SENP6: variants seen among roughly 807,000 people sequenced by gnomAD.
SENP6 encodes the protein SUMO specific peptidase 6.
In SENP6, 41 loss-of-function variants were observed where a neutral mutation model predicts 134.5. That is an observed-to-expected ratio of 0.30 (90% CI 0.24 to 0.40). The LOEUF is 0.40. Among genes scored for constraint, SENP6 ranks in the 10% least tolerant of loss-of-function variants. The pLI is 1.00. For missense variants in SENP6, 1,248 were observed against 1,312.5 expected (o/e 0.95, Z 0.76); for synonymous variants, 395 against 429.8 (o/e 0.92, Z 1.00).
At chr6:75,614,347 C>T (rs1234766939) in intron 1 of SENP6, among the ~76,000 whole-genome samples, 1 of 151,282 alleles carries the variant, frequency 6.6e-6, no homozygotes, top group East Asian at 1.9e-4. Flanking sequence ...CTCACTGCAA[C>T]CTCTGCCTCC....
chr6:75,632,444 G>A (rs902067559), intron 3 of SENP6, among the ~76,000 whole-genome samples: 3 of 152,132 alleles, frequency 2.0e-5, no homozygotes, highest in Non-Finnish European at 4.4e-5. Flanking sequence ...ATGAGATGAT[G>A]TAATTCACAT....
At chr6:75,614,274 T>TG (rs1187835402) in intron 1 of SENP6, among the ~76,000 whole-genome samples, 33 of 151,024 alleles carry the variant, frequency 2.2e-4, no homozygotes, top group South Asian at 4.2e-4. Flanking sequence ...TTTTTTTTTT[T>TG]TTTTTGTTTG....
Position 75,715,683 on chromosome 6 carries a change from C to G in SENP6, c.*89C>G, listed in dbSNP as rs1775990710. The G allele has an allele frequency of 5.7e-6, 5 of 882,892 alleles. No homozygotes were observed. The highest frequency in any genetic ancestry group is 8.6e-6 in the Non-Finnish European group (5 of 580,418). 54.7% of individuals were successfully genotyped at this position (882,892 alleles called of 1,614,324 possible). ...CAATAAAGAACTGAAGTGCTCACTA[C>G]TCAGTGATTTGGAAATTTTGATGCT... On this transcript the variant is annotated 3_prime_UTR_variant, in exon 24 of 24. Coordinates refer to ENST00000447266, the MANE Select transcript of SENP6 (RefSeq NM_015571.4).
chr6:75,675,343 A>G, intron 11 of SENP6, 92 bp from the exon 12 acceptor site: 1 of 711,538 alleles, frequency 1.4e-6, no homozygotes, highest in Admixed American at 3.0e-5. Context: ...ATAAACGAGT[A>G]ATATAAGAAA....
intron 6 of SENP6, among the ~76,000 whole-genome samples, chr6:75,644,442 G>GTAT (rs1424490102): frequency 6.6e-6 from 1 of 151,288 alleles, no homozygotes; most frequent in Non-Finnish European, 1.5e-5. Flanking sequence ...CAAAAATGGG[G>GTAT]TATTAGTAAA....
chr6:75,715,496 G>GA lies in SENP6; in HGVS notation c.3242dup (p.Asp1081GlufsTer10), dbSNP rs1192765226. 3.1e-6 allele frequency: 5 copies of GA among 1,613,216 alleles called. No homozygotes were observed. The highest frequency in any genetic ancestry group is 4.2e-6 in the Non-Finnish European group (5 of 1,179,538). On this transcript the variant is annotated frameshift_variant, in exon 24 of 24. Coordinates refer to ENST00000447266, the MANE Select transcript of SENP6 (RefSeq NM_015571.4). LOFTEE classifies it low-confidence loss of function (END_TRUNC). Reference sequence around the variant, plus strand: ...AAACATAATTCTGAAGCTACAGGAAGATCAGAGCAAAGAGAAAAGAAAGCA... The same window carrying GA: ...AAACATAATTCTGAAGCTACAGGAAGAATCAGAGCAAAGAGAAAAGAAAGCA...
chr6:75,670,701 T>C lies in SENP6; in HGVS notation c.1373T>C (p.Leu458Pro), dbSNP rs1358016798. 6.2e-7 allele frequency: 1 copy of C among 1,608,782 alleles called. No homozygotes were observed. The highest frequency in any genetic ancestry group is 1.1e-5 in the South Asian group (1 of 90,190). ...ATACGAGTAGGAACACTCTTCCGGC[T>C]GTTAATAGAGCCTGTAATTGTAAGT... ...RSIRVGTLFR[L>P]LIEPVIFCLD... The change falls in exon 11 of 24, where the codon CTG (leucine) becomes CCG (proline). Residue 458 changes from leucine (L) to proline (P), a missense_variant. Leu to Pro is a moderately conservative substitution (Grantham distance 98, BLOSUM62 -3). Coordinates refer to ENST00000447266, the MANE Select transcript of SENP6 (RefSeq NM_015571.4).
At chr6:75,681,870 A>C (rs754716149) in intron 16 of SENP6, among the ~76,000 whole-genome samples, 16 of 152,182 alleles carry the variant, frequency 1.1e-4, no homozygotes, top group Non-Finnish European at 1.9e-4. Flanking sequence ...TCTCTACAAA[A>C]AAACAAAAAT....
At chr6:75,694,661 G>A (rs1037356244) in intron 16 of SENP6, among the ~76,000 whole-genome samples, 1 of 152,108 alleles carries the variant, frequency 6.6e-6, no homozygotes, top group African/African-American at 2.4e-5. Context: ...GTTTTTATGA[G>A]TAGATTCTTT....
chr6:75,710,199 C>T (rs573573364), intron 20 of SENP6, among the ~76,000 whole-genome samples: 6 of 151,470 alleles, frequency 4.0e-5, no homozygotes, highest in South Asian at 4.2e-4. Flanking sequence ...TTTTTTTTCT[C>T]CTGCCTGATT....
At chr6:75,713,959 CA>C in intron 23 of SENP6, 134 bp downstream of exon 23, 1 of 667,340 alleles carries the variant, frequency 1.5e-6, no homozygotes, top group Non-Finnish European at 2.4e-6. Context: ...TTCCATGGAG[CA>C]AAAACTTCTA....
chr6:75,663,909 C>G (rs1284501749), intron 9 of SENP6, among the ~76,000 whole-genome samples: 3 of 150,782 alleles, frequency 2.0e-5, no homozygotes, highest in Non-Finnish European at 4.4e-5. Context: ...TTGTTCCTAA[C>G]TCTATATCCT....
In SENP6 at chr6:75,684,729, T is replaced by G. The variant is rs182460739; in HGVS notation, c.2075+5802T>G. 2.0e-3 allele frequency among the ~76,000 whole-genome samples: 307 copies of G among 152,338 alleles called. 2 individuals carry two copies. Among genetic ancestry groups the G allele is most frequent in the Non-Finnish European group, 1.3e-3 (91 of 68,030 alleles). The stretch of plus-strand genomic sequence containing the variant: ...TGATTTGCATATGTTGAACCAGCCT[T>G]GCATCCCAGGGATGAAGCCCACTTG... On this transcript the variant is annotated intron_variant, in intron 16 of 23. Coordinates refer to ENST00000447266, the MANE Select transcript of SENP6 (RefSeq NM_015571.4).
chr6:75,670,432 G>T, intron 10 of SENP6, 121 bp from the exon 11 acceptor site: 1 of 622,514 alleles, frequency 1.6e-6, no homozygotes, highest in East Asian at 2.8e-5. Context: ...ACTGTTGAAG[G>T]GAAATCCATT....
At chr6:75,649,748 C>T (rs147392950) in intron 7 of SENP6, among the ~76,000 whole-genome samples, 1 of 152,326 alleles carries the variant, frequency 6.6e-6, no homozygotes, top group African/African-American at 2.4e-5. Context: ...AACTCCTGAC[C>T]TCGTGATCCA....
At chr6:75,608,213 CA>C (rs1298429058) in intron 1 of SENP6, among the ~76,000 whole-genome samples, 2 of 152,130 alleles carry the variant, frequency 1.3e-5, no homozygotes, top group African/African-American at 2.4e-5. Context: ...CCTGAGATAA[CA>C]CTTCGGGAGG....
intron 16 of SENP6, among the ~76,000 whole-genome samples, chr6:75,684,318 A>G (rs1026452591): frequency 3.9e-5 from 6 of 152,206 alleles, no homozygotes; most frequent in African/African-American, 1.2e-4. Context: ...GGGGTTTTCT[A>G]AATACACAAT....
At chr6:75,663,180 A>G in intron 8 of SENP6, 41 bp from the exon 9 acceptor site, 2 of 1,569,346 alleles carry the variant, frequency 1.3e-6, no homozygotes, top group East Asian at 2.2e-5. Flanking sequence ...GAAAAAGAAA[A>G]TCAGACCAAA....
At chr6:75,688,269 G>A (rs191969246) in intron 16 of SENP6, among the ~76,000 whole-genome samples, 60 of 152,262 alleles carry the variant, frequency 3.9e-4, no homozygotes, top group Admixed American at 1.5e-3. Context: ...GTATTTGGGC[G>A]GGAGTGTCCC....
Sources: allele counts gnomAD v4.1 joint callset (sites outside exome capture counted in the v4.1 genomes callset), GRCh38; gene constraint gnomAD v4.1.1; transcripts MANE v1.5; gene names NCBI Gene and HGNC (gene_info 2026-07-23, HGNC 2026-07-21).